The following SFMBT1 variants were observed in gnomAD, a reference collection of about 807,000 sequenced individuals.
SFMBT1 encodes scm-like with four MBT domains protein 1.
A neutral mutation model predicts 108.7 loss-of-function variants in SFMBT1; 32 were observed. The ratio of observed to expected loss-of-function variants is 0.29; its 90% CI spans 0.22 to 0.40. The LOEUF (loss-of-function observed/expected upper bound fraction) is 0.40. Among genes scored for constraint, SFMBT1 ranks in the 10% least tolerant of loss-of-function variants. The pLI, the probability that SFMBT1 is intolerant of heterozygous loss-of-function variation, is 1.00. For synonymous variants in SFMBT1, 348 were observed against 369.5 expected (o/e 0.94, Z 0.67); for missense variants, 816 against 1,059.6 (o/e 0.77, Z 3.19).
At chr3:52,994,522 C>T (rs1246812099) in intron 1 of SFMBT1, among the ~76,000 whole-genome samples, 6 of 150,392 alleles carry the variant, frequency 4.0e-5, no homozygotes, top group Admixed American at 2.7e-4. Context: ...TTTTTTGAGA[C>T]GGAGTCTCGC....
chr3:53,014,398 A>T (rs1326242863), intron 1 of SFMBT1, among the ~76,000 whole-genome samples: 7 of 152,040 alleles, frequency 4.6e-5, no homozygotes, highest in Non-Finnish European at 1.0e-4. Flanking sequence ...TGAGCCCAGG[A>T]GGTCAAGTTT....
rs1423086811 is a variant in SFMBT1, at chr3:52,995,035, G to GA, written c.-130-25778dup. 8.2e-4 allele frequency among the ~76,000 whole-genome samples: 104 copies of GA among 126,862 alleles called. 1 individual carries two copies. Among genetic ancestry groups the GA allele is most frequent in the South Asian group, 5.9e-3 (24 of 4,038 alleles). 83.2% of individuals were successfully genotyped at this position (126,862 alleles called of 152,430 possible). On this transcript the variant is annotated intron_variant, in intron 1 of 20. Coordinates refer to ENST00000394752, the MANE Select transcript of SFMBT1 (RefSeq NM_016329.4). ...GAAAGAAAGAAAGAAAAGAAAGCAA[G>GA]AAAAAAAAAAGGAAAAGGAAAGAAA...
At chr3:52,967,557 T>C (rs1016800347) in intron 2 of SFMBT1, among the ~76,000 whole-genome samples, 1 of 152,212 alleles carries the variant, frequency 6.6e-6, no homozygotes, top group African/African-American at 2.4e-5. Context: ...ATGGTATGTG[T>C]ATTGCATCTC....
In SFMBT1 at chr3:52,993,209, T is replaced by C. The variant is rs1358307102; in HGVS notation, c.-130-23951A>G. On this transcript the variant is annotated intron_variant, in intron 1 of 20. Coordinates refer to ENST00000394752, the MANE Select transcript of SFMBT1 (RefSeq NM_016329.4). ...TTTATAAACTTCAACCAAATCCCTATAAAAAACATGTAGTTTTTGCACTGT... is the reference window on the plus strand; with the variant it reads ...TTTATAAACTTCAACCAAATCCCTACAAAAAACATGTAGTTTTTGCACTGT... 3.0e-5 allele frequency among the ~76,000 whole-genome samples: 4 copies of C among 133,590 alleles called. 1 individual carries two copies. The highest frequency in any genetic ancestry group is 7.1e-5 in the Non-Finnish European group (4 of 56,434). The allele number at this position is 133,590 out of a possible 152,430, so 87.6% of individuals were successfully genotyped here.
chr3:52,940,198 C>T (rs575175420), intron 4 of SFMBT1, among the ~76,000 whole-genome samples: 1 of 152,190 alleles, frequency 6.6e-6, no homozygotes, highest in South Asian at 2.1e-4. Flanking sequence ...TCTATTGTTA[C>T]TCACAAAGTA....
At chr3:52,952,115 T>C (rs1209284319) in intron 3 of SFMBT1, among the ~76,000 whole-genome samples, 1 of 152,068 alleles carries the variant, frequency 6.6e-6, no homozygotes, top group Non-Finnish European at 1.5e-5. Flanking sequence ...TCCCAGCACT[T>C]TGGGAGGCTG....
At chr3:52,988,826 C>T (rs551346617) in intron 1 of SFMBT1, among the ~76,000 whole-genome samples, 1 of 152,216 alleles carries the variant, frequency 6.6e-6, no homozygotes, top group South Asian at 2.1e-4. Flanking sequence ...GATGTAAAAC[C>T]AAAACCCTAA....
intron 17 of SFMBT1, among the ~76,000 whole-genome samples, chr3:52,909,154 G>C (rs2106760767): frequency 1.3e-5 from 2 of 152,158 alleles, no homozygotes; most frequent in African/African-American, 4.8e-5. Flanking sequence ...TTACTAACTG[G>C]GAAAAATTAT....
chr3:52,906,817 G>C (rs1370532824), intron 19 of SFMBT1, among the ~76,000 whole-genome samples: 1 of 152,078 alleles, frequency 6.6e-6, no homozygotes, highest in South Asian at 2.1e-4. Flanking sequence ...CTAGCAATGG[G>C]GCTTTTTTTG....
chr3:52,954,485 A>C, intron 2 of SFMBT1, 74 bp from the exon 3 acceptor site: 1 of 1,150,080 alleles, frequency 8.7e-7, no homozygotes. Context: ...TATAAACTTA[A>C]TAAACCTAAC....
intron 16 of SFMBT1, 38 bp downstream of exon 16, chr3:52,912,500 A>G: frequency 3.9e-6 from 6 of 1,550,160 alleles, no homozygotes; most frequent in Non-Finnish European, 5.3e-6. Context: ...TTTTAAAGAC[A>G]AGTAAAAGTA....
At chr3:52,967,123 T>C (rs1275860060) in intron 2 of SFMBT1, among the ~76,000 whole-genome samples, 1 of 152,034 alleles carries the variant, frequency 6.6e-6, no homozygotes, top group Non-Finnish European at 1.5e-5. Context: ...GAAATCTCAC[T>C]GCTCTAGAGA....
chr3:53,000,969 G>A (rs552684242), intron 1 of SFMBT1, among the ~76,000 whole-genome samples: 17 of 150,264 alleles, frequency 1.1e-4, no homozygotes, highest in Non-Finnish European at 2.4e-4. Context: ...AGATGAAACC[G>A]CATTGGCTGT....
chr3:52,930,883 G>A (rs913619018), intron 7 of SFMBT1, 58 bp downstream of exon 7: 20 of 1,435,444 alleles, frequency 1.4e-5, no homozygotes, highest in Middle Eastern at 1.7e-4. Flanking sequence ...CACCTCCTGC[G>A]TTGCTTTACT....
chr3:52,968,771 G>A lies in SFMBT1; in HGVS notation c.28+330C>T, dbSNP rs140529260. ...ACACCCAGCTAATTGTTTGTATTTTGTTTAGTAGAGACGGGGTTTCACCGT... is the reference window on the plus strand; with the variant it reads ...ACACCCAGCTAATTGTTTGTATTTTATTTAGTAGAGACGGGGTTTCACCGT... On this transcript the variant is annotated intron_variant, in intron 2 of 20. Coordinates refer to ENST00000394752, the MANE Select transcript of SFMBT1 (RefSeq NM_016329.4). Among the ~76,000 whole-genome samples the A allele has an allele frequency of 9.4e-3, 1,430 of 151,908 alleles. 19 individuals carry two copies. The highest frequency in any genetic ancestry group is 0.032 in the African/African-American group (1,340 of 41,422).
intron 1 of SFMBT1, among the ~76,000 whole-genome samples, chr3:52,971,888 G>C (rs960709472): frequency 1.3e-5 from 2 of 152,160 alleles, no homozygotes; most frequent in East Asian, 3.8e-4. Context: ...GCTGTGGCTA[G>C]AGCATGCAAA....
chr3:53,035,364 T>C (rs1181018560), intron 1 of SFMBT1, among the ~76,000 whole-genome samples: 1 of 152,084 alleles, frequency 6.6e-6, no homozygotes, highest in Non-Finnish European at 1.5e-5. Flanking sequence ...AAGCTCTACT[T>C]GGCCTCAGTG....
At position 52,908,392 on chromosome 3, in the gene SFMBT1, C is replaced by G. The variant is rs1330488125; in HGVS notation, c.1907-659G>C. On this transcript the variant is annotated intron_variant, in intron 17 of 20. Transcript: ENST00000394752. ...CAGCAGCCATGTGTGACTTCTTCTA[C>G]TAGGCATAATGTTTTTGAGTCGTGT... Among the ~76,000 whole-genome samples, 4 of 152,040 alleles carry G rather than the reference C, an allele frequency of 2.6e-5. No homozygotes were observed. In the East Asian group the frequency reaches 7.7e-4, roughly 29 times the overall value.
rs747120329 is a variant in SFMBT1, at chr3:52,918,501, C to T, written c.1398G>A (p.Val466=). The T allele has an allele frequency of 3.2e-6, 5 of 1,557,926 alleles. No individual in the cohort carries two copies. In the Admixed American group the frequency reaches 8.4e-5, roughly 26 times the overall value. Residue 466 remains valine (V), a synonymous_variant, in exon 13 of 21, where the codon GTG becomes GTA. Coordinates refer to ENST00000394752, the MANE Select transcript of SFMBT1 (RefSeq NM_016329.4). The part of the protein sequence containing the change: ...ARVYKQRKIA[V]VQPEKQVPSS... ...TTACTTACTGTTTTTCTGGCTGAAC[C>T]ACTGCAATTTTCCTCTGTTTATATA...
Sources: gnomAD v4.1 joint callset for allele counts (sites outside exome capture counted in the v4.1 genomes callset) on GRCh38, gnomAD v4.1.1 for gene constraint, MANE v1.5 for transcripts, NCBI Gene and HGNC (gene_info 2026-07-23, HGNC 2026-07-21) for gene names.